The following AFAP1 variants were observed in gnomAD, a reference collection of about 807,000 sequenced individuals.
AFAP1 encodes the protein actin filament-associated protein 1.
A neutral mutation model predicts 93.9 loss-of-function variants in AFAP1; 75 were observed. The observed-to-expected ratio is 0.80, with a 90% CI of 0.66 to 0.97. The LOEUF is 0.97. Ranked by LOEUF, AFAP1 falls within the 50% of genes least tolerant of loss-of-function variation. The pLI, the probability that AFAP1 is intolerant of heterozygous loss-of-function variation, is 0.00. For missense variants in AFAP1, 1,201 were observed against 1,050.8 expected, an observed-to-expected ratio of 1.14 and a Z score of -1.98; for synonymous variants, 517 against 430.7, an observed-to-expected ratio of 1.20 and a Z score of -2.48.
intron 3 of AFAP1, among the ~76,000 whole-genome samples, chr4:7,857,085 T>C (rs567735253): frequency 1.3e-5 from 2 of 152,164 alleles, no homozygotes; most frequent in African/African-American, 2.4e-5. Context: ...TTCCTATGAA[T>C]AGCATGCAAC....
At position 7,837,714 on chromosome 4, in the gene AFAP1, AAAG is replaced by A. The variant is rs200074497; in HGVS notation, c.726+807_726+809del. ...AGGAACAAGAAAAATAAACCAGACT[AAAG>A]AAGAAAAAAGAATGGTTAGGGCTGG... On this transcript the variant is annotated intron_variant, in intron 6 of 17. Transcript: ENST00000420658. 4.2e-3 allele frequency among the ~76,000 whole-genome samples: 635 copies of A among 152,258 alleles called. 9 individuals are homozygous for A. The Middle Eastern group carries it at 0.051, about 12-fold the overall frequency.
At chr4:7,863,382 G>A (rs958179521) in intron 3 of AFAP1, among the ~76,000 whole-genome samples, 6 of 152,286 alleles carry the variant, frequency 3.9e-5, no homozygotes, top group Non-Finnish European at 5.9e-5. Context: ...TCGTGCCACT[G>A]CACTCCAGCC....
intron 13 of AFAP1, among the ~76,000 whole-genome samples, chr4:7,779,455 G>C (rs1370651691): frequency 6.6e-6 from 1 of 152,200 alleles, no homozygotes; most frequent in Admixed American, 6.5e-5. Flanking sequence ...TTCTGAAAAA[G>C]TGAAATAGTA....
intron 7 of AFAP1, 49 bp from the exon 8 acceptor site, chr4:7,816,148 C>T (rs1720457835): frequency 1.3e-6 from 2 of 1,507,256 alleles, no homozygotes; most frequent in South Asian, 2.4e-5. Flanking sequence ...CACTTGGACC[C>T]AGTGATGTGT....
intron 1 of AFAP1, among the ~76,000 whole-genome samples, chr4:7,884,471 T>C (rs1284885400): frequency 5.9e-5 from 9 of 151,976 alleles, no homozygotes; most frequent in Non-Finnish European, 1.5e-5. Flanking sequence ...TATTTAAAAA[T>C]AATAAAGGCT....
chr4:7,851,737 C>T (rs970629698), intron 4 of AFAP1, among the ~76,000 whole-genome samples: 9 of 152,220 alleles, frequency 5.9e-5, no homozygotes, highest in Non-Finnish European at 8.8e-5. Flanking sequence ...AGTACCCTAC[C>T]TGCCAACAGC....
chr4:7,823,933 G>A (rs1721201279), intron 6 of AFAP1, among the ~76,000 whole-genome samples: 1 of 152,176 alleles, frequency 6.6e-6, no homozygotes, highest in East Asian at 1.9e-4. Context: ...CTATGTCCAA[G>A]GTACGAAGAA....
intron 10 of AFAP1, among the ~76,000 whole-genome samples, chr4:7,798,600 G>T (rs1028602076): frequency 6.6e-6 from 1 of 152,236 alleles, no homozygotes. Context: ...AGTTGTACAC[G>T]AAGTGATACT....
chr4:7,847,727 G>A (rs1458007801), intron 4 of AFAP1, among the ~76,000 whole-genome samples: 1 of 146,902 alleles, frequency 6.8e-6, no homozygotes, highest in South Asian at 2.2e-4. Flanking sequence ...TTGCCTTCTA[G>A]TCTTGTAGTA....
rs142401045 is a variant in AFAP1, at chr4:7,873,174, C to T, written c.-2-1094G>A. 4.1e-3 allele frequency among the ~76,000 whole-genome samples: 536 copies of T among 129,650 alleles called. 3 individuals carry two copies. The highest frequency in any genetic ancestry group is 0.015 in the African/African-American group (511 of 34,318). The allele number at this position is 129,650 out of a possible 152,430, so 85.1% of individuals were successfully genotyped here. The stretch of plus-strand genomic sequence containing the variant: ...ACAAGAATCGCTTGAACCTGGGAGG[C>T]GGAGGTTTCAGTGAGCCAAGATTGC... On this transcript the variant is annotated intron_variant, in intron 1 of 17. Coordinates refer to ENST00000420658, the MANE Select transcript of AFAP1 (RefSeq NM_001134647.2).
At chr4:7,924,946 C>G (rs945591005) in intron 1 of AFAP1, among the ~76,000 whole-genome samples, 5 of 152,294 alleles carry the variant, frequency 3.3e-5, no homozygotes, top group African/African-American at 1.2e-4. Context: ...TAACCAATCA[C>G]ATAGGACACC....
chr4:7,824,625 T>C lies in AFAP1; in HGVS notation c.727-5454A>G, dbSNP rs566243485. ...GTGCAACTTCATTAAAGATTTTTAA[T>C]GGTTACATTAAAATTACGTTTCACA... On this transcript the variant is annotated intron_variant, in intron 6 of 17. Transcript: ENST00000420658. Among the ~76,000 whole-genome samples the C allele has an allele frequency of 3.3e-5, 5 of 152,352 alleles. No homozygotes were observed. In the East Asian group the frequency reaches 9.6e-4, roughly 29 times the overall value.
At chr4:7,854,126 T>TAC (rs2149138962) in intron 4 of AFAP1, among the ~76,000 whole-genome samples, 1 of 152,308 alleles carries the variant, frequency 6.6e-6, no homozygotes, top group East Asian at 1.9e-4. Flanking sequence ...ATACTTGTCT[T>TAC]TACTCACTGC....
At chr4:7,904,753 C>A (rs1174841121) in intron 1 of AFAP1, among the ~76,000 whole-genome samples, 1 of 152,130 alleles carries the variant, frequency 6.6e-6, no homozygotes, top group African/African-American at 2.4e-5. Flanking sequence ...TCTGACCAGG[C>A]TGGAGTGCAG....
At chr4:7,818,008 C>T (rs114448816) in intron 7 of AFAP1, among the ~76,000 whole-genome samples, 337 of 152,218 alleles carry the variant, frequency 2.2e-3, no homozygotes, top group Non-Finnish European at 4.1e-3. Flanking sequence ...TGTTCCATTA[C>T]GGTATGAGGA....
chr4:7,808,191 C>T (rs564353132), intron 9 of AFAP1, among the ~76,000 whole-genome samples: 30 of 152,148 alleles, frequency 2.0e-4, no homozygotes, highest in African/African-American at 6.3e-4. Flanking sequence ...TATAATTTCT[C>T]GAAAACGTAG....
chr4:7,858,971 T>C (rs997454335), intron 3 of AFAP1, among the ~76,000 whole-genome samples: 3 of 152,160 alleles, frequency 2.0e-5, no homozygotes, highest in Non-Finnish European at 4.4e-5. Context: ...GTCCCTCAAA[T>C]GTACCACTGA....
chr4:7,808,059 C>T (rs1382580605), intron 9 of AFAP1, among the ~76,000 whole-genome samples: 4 of 152,116 alleles, frequency 2.6e-5, no homozygotes, highest in South Asian at 2.1e-4. Context: ...TTGGATATAA[C>T]GGGTGCTCAA....
Position 7,868,709 on chromosome 4 carries a change from C to G in AFAP1, c.138G>C (p.Val46=), listed in dbSNP as rs746995906. The G allele has an allele frequency of 6.2e-6, 10 of 1,613,242 alleles. 1 individual carries two copies. In the South Asian group the frequency reaches 1.1e-4, roughly 18 times the overall value. The change falls in exon 3 of 18, where the codon GTG becomes GTC. Residue 46 remains valine, a synonymous_variant. Coordinates refer to ENST00000420658, the MANE Select transcript of AFAP1 (RefSeq NM_001134647.2). ...LRIQSSKGFD[V]KDHAQKQETA... ...TCTCCTGCTTCTGAGCATGGTCCTT[C>G]ACATCAAAACCTGTAAGAATTAACC...
Sources: gnomAD v4.1 joint callset for allele counts (sites outside exome capture counted in the v4.1 genomes callset) on GRCh38, gnomAD v4.1.1 for gene constraint, MANE v1.5 for transcripts, NCBI Gene and HGNC (gene_info 2026-07-23, HGNC 2026-07-21) for gene names.